The following NFS1 variants were observed in gnomAD, a reference collection of about 807,000 sequenced individuals.
NFS1 encodes cysteine desulfurase.
In NFS1, 26 loss-of-function variants were observed where a neutral mutation model predicts 57.3. The observed-to-expected ratio is 0.45, with a 90% CI of 0.33 to 0.63. The LOEUF (loss-of-function observed/expected upper bound fraction) is 0.63, where lower values mean the gene tolerates loss of function less well. NFS1 is among the 20% of genes least tolerant of loss of function. NFS1 has a pLI of 0.02. For synonymous variants in NFS1, 209 were observed against 216.3 expected, an observed-to-expected ratio of 0.97 and a Z score of 0.30; for missense variants, 505 against 605.8, an observed-to-expected ratio of 0.83 and a Z score of 1.75.
intron 4 of NFS1, among the ~76,000 whole-genome samples, chr20:35,691,445 GAA>G (rs934725673): frequency 7.3e-6 from 1 of 136,990 alleles, no homozygotes. Flanking sequence ...TCTCATTGAA[GAA>G]AAAAAAAAAG....
intron 5 of NFS1, among the ~76,000 whole-genome samples, chr20:35,688,479 C>T (rs2034983717): frequency 6.6e-6 from 1 of 152,056 alleles, no homozygotes; most frequent in Non-Finnish European, 1.5e-5. Flanking sequence ...ATCGTTTGAA[C>T]CCAGGAAGCA....
rs751302253 is a variant in NFS1, at chr20:35,674,621, AG to A, written c.949-5del. On this transcript the variant is annotated splice_region_variant and splice_polypyrimidine_tract_variant and intron_variant, in intron 8 of 12. Coordinates refer to ENST00000374092, the MANE Select transcript of NFS1 (RefSeq NM_021100.5). Reference sequence around the variant, plus strand: ...TTGAGATTCGCTTGTGGTCATACTAAGGAGCAGGCAAGGAAGGATTAGGCAG... The same window carrying A: ...TTGAGATTCGCTTGTGGTCATACTAAGAGCAGGCAAGGAAGGATTAGGCAG... 3 of 1,611,218 alleles carry A rather than the reference AG, an allele frequency of 1.9e-6. No homozygotes were observed. The East Asian group carries it at 6.7e-5, about 36-fold the overall frequency.
intron 7 of NFS1, chr20:35,675,520 T>C: frequency 3.1e-6 from 1 of 327,134 alleles, no homozygotes; most frequent in Non-Finnish European, 5.6e-6. Context: ...TAGATGTCCA[T>C]CATCAGGGTA....
At chr20:35,690,381 T>C (rs1281563676) in intron 5 of NFS1, 32 bp downstream of exon 5, 3 of 1,601,864 alleles carry the variant, frequency 1.9e-6, no homozygotes, top group South Asian at 2.2e-5. Flanking sequence ...GGCTCCTCCA[T>C]TTTTGCTCCT....
intron 5 of NFS1, among the ~76,000 whole-genome samples, chr20:35,683,656 C>T (rs1739804771): frequency 6.6e-6 from 1 of 151,280 alleles, no homozygotes; most frequent in Admixed American, 6.6e-5. Flanking sequence ...GGCACGCGCC[C>T]TGTAGTCCCA....
Position 35,697,779 on chromosome 20 carries a change from T to A in NFS1, c.229A>T (p.Met77Leu). 1 of 1,613,456 alleles carries A rather than the reference T, an allele frequency of 6.2e-7. No homozygotes were observed. The highest frequency in any genetic ancestry group is 1.3e-5 in the African/African-American group (1 of 74,938). The change falls in exon 3 of 13, where the codon ATG becomes TTG. Residue 77 changes from methionine (M) to leucine (L), a missense_variant. By Grantham distance (15) the Met-to-Leu change is conservative. Coordinates refer to ENST00000374092, the MANE Select transcript of NFS1 (RefSeq NM_021100.5). ...TPLDPRVLDAMLPYLINYYGN... is the reference protein window; with the variant it reads ...TPLDPRVLDALLPYLINYYGN... ...TAGTAGTTGATTAGGTAAGGGAGCA[T>A]GGCATCAAGCACCCGGGGGTCCTGA...
At chr20:35,682,131 G>A in intron 5 of NFS1, 150 bp from the exon 6 acceptor site, 1 of 513,768 alleles carries the variant, frequency 1.9e-6, no homozygotes, top group South Asian at 2.3e-5. Flanking sequence ...AAATGTTGGT[G>A]AGGATGCACA....
intron 12 of NFS1, among the ~76,000 whole-genome samples, chr20:35,670,870 C>T (rs1454091585): frequency 6.6e-6 from 1 of 152,150 alleles, no homozygotes; most frequent in Non-Finnish European, 1.5e-5. Flanking sequence ...AAAGAAAAAT[C>T]CAGAACACAG....
intron 7 of NFS1, among the ~76,000 whole-genome samples, chr20:35,676,775 A>AAAAAAAAAAC (rs2034756128): frequency 6.7e-6 from 1 of 148,894 alleles, no homozygotes; most frequent in African/African-American, 2.5e-5. Flanking sequence ...AAAAAAAAAA[A>AAAAAAAAAAC]AAAAAAAAAA....
chr20:35,697,041 G>A (rs1002741972), intron 3 of NFS1, among the ~76,000 whole-genome samples: 1 of 152,190 alleles, frequency 6.6e-6, no homozygotes, highest in African/African-American at 2.4e-5. Context: ...GGGAGGCAGA[G>A]GTTGCAGTGA....
chr20:35,676,774 A>AC (rs2034755680), intron 7 of NFS1, among the ~76,000 whole-genome samples: 1 of 148,818 alleles, frequency 6.7e-6, no homozygotes, highest in Non-Finnish European at 1.5e-5. Context: ...AAAAAAAAAA[A>AC]AAAAAAAAAA....
At chr20:35,672,667 T>A in intron 12 of NFS1, 88 bp downstream of exon 12, 2 of 899,160 alleles carry the variant, frequency 2.2e-6, no homozygotes, top group East Asian at 2.5e-5. Flanking sequence ...TGAACTTTGG[T>A]TTTGGCAGTG....
At chr20:35,675,483 A>G (rs1213553008) in intron 7 of NFS1, 10 of 427,214 alleles carry the variant, frequency 2.3e-5, no homozygotes, top group Non-Finnish European at 4.2e-5. Flanking sequence ...AGTATTATTC[A>G]TAATAGCAAA....
intron 10 of NFS1, 139 bp from the exon 11 acceptor site, chr20:35,673,823 C>G: frequency 1.6e-6 from 1 of 616,428 alleles, no homozygotes; most frequent in Non-Finnish European, 2.9e-6. Context: ...TCTGGCAGAA[C>G]TAAAGGACCT....
At chr20:35,692,675 A>G (rs2035065363) in intron 4 of NFS1, among the ~76,000 whole-genome samples, 1 of 151,440 alleles carries the variant, frequency 6.6e-6, no homozygotes, top group Non-Finnish European at 1.5e-5. Context: ...AGCCTAGGTG[A>G]GATCAAGACT....
At chr20:35,686,826 T>C (rs982079738) in intron 5 of NFS1, among the ~76,000 whole-genome samples, 22 of 152,062 alleles carry the variant, frequency 1.4e-4, no homozygotes, top group African/African-American at 5.3e-4. Context: ...TAGATATAGA[T>C]CTTAGATATG....
At position 35,699,305 on chromosome 20, in the gene NFS1, C is replaced by G. The variant is rs962712114; in HGVS notation, c.-17G>C. The stretch of plus-strand genomic sequence containing the variant: ...GAGCAGCATGGTCCCGCTGGCAGAG[C>G]CCACCTTCCGAAGCCGCTGCAGTCC... On this transcript the variant is annotated 5_prime_UTR_variant, in exon 1 of 13. Coordinates refer to ENST00000374092, the MANE Select transcript of NFS1 (RefSeq NM_021100.5). The surrounding 1 kb of genome is among the most constrained non-coding windows in gnomAD (Gnocchi z 4.4). 3.4e-5 allele frequency: 48 copies of G among 1,397,886 alleles called. No homozygotes were observed. Among genetic ancestry groups the G allele is most frequent in the Admixed American group, 3.4e-5 (1 of 29,380 alleles). The allele number at this position is 1,397,886 out of a possible 1,614,324, so 86.6% of individuals were successfully genotyped here.
Position 35,669,601 on chromosome 20 carries a change from C to T in NFS1, c.*21G>A. 1 of 1,613,166 alleles carries T rather than the reference C, an allele frequency of 6.2e-7. No individual in the cohort carries two copies. Among genetic ancestry groups the T allele is most frequent in the Non-Finnish European group, 8.5e-7 (1 of 1,179,136 alleles). On this transcript the variant is annotated 3_prime_UTR_variant, in exon 13 of 13. Coordinates refer to ENST00000374092, the MANE Select transcript of NFS1 (RefSeq NM_021100.5). ...TGAGGCAGGAGGGGCCAGACCAGCA[C>T]AAAGTCAGGGCCCTATTCTTCTAGT...
Position 35,690,502 on chromosome 20 carries a change from AT to A in NFS1, c.471del (p.Lys157AsnfsTer30). On this transcript the variant is annotated frameshift_variant, in exon 5 of 13. Transcript: ENST00000374092. LOFTEE classifies it high-confidence loss of function. ...KHLITTQTEH[K>X]CVLDSCRSLE... ...AGTGAACGGCAGGAGTCCAAGACAC[AT>A]TTGTGTTCTGTCTGGGTGGTGATCA... 1 of 1,613,892 alleles carries A rather than the reference AT, an allele frequency of 6.2e-7. No individual in the cohort carries two copies. Among genetic ancestry groups the A allele is most frequent in the South Asian group, 1.1e-5 (1 of 91,036 alleles).
Sources: allele counts gnomAD v4.1 joint callset (sites outside exome capture counted in the v4.1 genomes callset), GRCh38; gene constraint gnomAD v4.1.1; non-coding constraint Gnocchi (gnomAD v3.1); transcripts MANE v1.5; gene names NCBI Gene and HGNC (gene_info 2026-07-23, HGNC 2026-07-21).